Variants in CFAP20DC observed in about 807,000 individuals in gnomAD.
CFAP20DC encodes the protein protein CFAP20DC.
A neutral mutation model predicts 101.7 loss-of-function variants in CFAP20DC; 84 were observed. The observed-to-expected ratio is 0.83, with a 90% CI of 0.69 to 0.99. CFAP20DC has a LOEUF of 0.99. CFAP20DC is among the 50% of genes least tolerant of loss of function. CFAP20DC has a pLI of 0.00. For synonymous variants in CFAP20DC, 359 were observed against 351.2 expected, an observed-to-expected ratio of 1.02 and a Z score of -0.25; for missense variants, 1,007 against 970.3, an observed-to-expected ratio of 1.04 and a Z score of -0.50.
At chr3:58,764,429 T>C (rs2070058656) in intron 15 of CFAP20DC, among the ~76,000 whole-genome samples, 2 of 152,172 alleles carry the variant, frequency 1.3e-5, no homozygotes, top group African/African-American at 4.8e-5. Context: ...CCAGGTGCCA[T>C]CTGTCACCCC....
At chr3:58,951,135 A>G (rs1194705349) in intron 4 of CFAP20DC, among the ~76,000 whole-genome samples, 1 of 152,370 alleles carries the variant, frequency 6.6e-6, no homozygotes, top group South Asian at 2.1e-4. Flanking sequence ...ACATTTATGC[A>G]GCCAAAAGAC....
intron 15 of CFAP20DC, among the ~76,000 whole-genome samples, chr3:58,796,339 A>T (rs1015568549): frequency 1.1e-4 from 16 of 152,038 alleles, no homozygotes; most frequent in African/African-American, 3.6e-4. Flanking sequence ...CAGGGTTAAG[A>T]GTGGTCAGAG....
chr3:58,987,334 T>C (rs926622856), intron 4 of CFAP20DC, among the ~76,000 whole-genome samples: 2 of 151,994 alleles, frequency 1.3e-5, no homozygotes, highest in African/African-American at 4.8e-5. Flanking sequence ...AAAATAAGAA[T>C]CATGTACTAC....
At chr3:58,909,100 A>G (rs1480056738) in intron 6 of CFAP20DC, among the ~76,000 whole-genome samples, 1 of 152,174 alleles carries the variant, frequency 6.6e-6, no homozygotes, top group African/African-American at 2.4e-5. Context: ...CCTATTTGCA[A>G]GAACCCAAAG....
At chr3:58,910,924 A>T (rs1321497928) in intron 6 of CFAP20DC, among the ~76,000 whole-genome samples, 1 of 152,094 alleles carries the variant, frequency 6.6e-6, no homozygotes, top group East Asian at 1.9e-4. Flanking sequence ...AGGGAAAAAT[A>T]AACAGATAAT....
At position 59,014,155 on chromosome 3, in the gene CFAP20DC, C is replaced by T. The variant is rs76197320; in HGVS notation, c.278+25402G>A. ...GCAAGCAGTGAGTTAGAAGGTTTAG[C>T]TCAGCTGCTGCCTAGAGTGATGGAT... On this transcript the variant is annotated intron_variant, in intron 4 of 16. Transcript: ENST00000482387. This position sits in a 1 kb window ranked among gnomAD's most constrained non-coding sequence, Gnocchi z 4.9. Among the ~76,000 whole-genome samples the T allele has an allele frequency of 0.012, 1,784 of 152,212 alleles. 35 individuals carry two copies. The highest frequency in any genetic ancestry group is 0.041 in the African/African-American group (1,687 of 41,538).
intron 3 of CFAP20DC, among the ~76,000 whole-genome samples, chr3:58,733,529 A>C (rs1303878870): frequency 1.3e-5 from 2 of 152,214 alleles, no homozygotes; most frequent in African/African-American, 4.8e-5. Context: ...ACCCTTTAAC[A>C]TACATGAGCT....
intron 4 of CFAP20DC, among the ~76,000 whole-genome samples, chr3:58,981,127 C>T (rs1229705447): frequency 1.3e-5 from 2 of 152,052 alleles, no homozygotes; most frequent in African/African-American, 2.4e-5. Context: ...GAGAATAAAA[C>T]ACCTAGGAAT....
At chr3:58,932,326 GGA>G (rs2086828590) in intron 5 of CFAP20DC, among the ~76,000 whole-genome samples, 1 of 152,158 alleles carries the variant, frequency 6.6e-6, no homozygotes. Context: ...TGGGGAGAAT[GGA>G]ACAAAGTTGG....
At chr3:58,980,105 T>A (rs888585568) in intron 4 of CFAP20DC, among the ~76,000 whole-genome samples, 3 of 152,194 alleles carry the variant, frequency 2.0e-5, no homozygotes, top group Admixed American at 2.0e-4. Context: ...ATCTGTAATG[T>A]AAGGACCTGC....
Position 58,971,411 on chromosome 3 carries a change from A to G in CFAP20DC, c.279-33649T>C, listed in dbSNP as rs910798844. 2.6e-5 allele frequency among the ~76,000 whole-genome samples: 4 copies of G among 152,182 alleles called. No individual in the cohort carries two copies. Among genetic ancestry groups the G allele is most frequent in the Admixed American group, 2.0e-4 (3 of 15,250 alleles). On this transcript the variant is annotated intron_variant, in intron 4 of 16. Coordinates refer to ENST00000482387, the MANE Select transcript of CFAP20DC (RefSeq NM_001394063.1). The surrounding 1 kb of genome is among the most constrained non-coding windows in gnomAD (Gnocchi z 4.1). The stretch of plus-strand genomic sequence containing the variant: ...GAAAATCTGTCAAATGTTTTAAAAT[A>G]TCTCCGACATTCACTCTTTAGATCT...
chr3:58,939,759 A>ATTTTTTTTT (rs60955896), intron 4 of CFAP20DC, among the ~76,000 whole-genome samples: 1 of 91,924 alleles, frequency 1.1e-5, no homozygotes, highest in Non-Finnish European at 2.1e-5. Flanking sequence ...TGCCCGGCCC[A>ATTTTTTTTT]TTTTTTTTTT....
At chr3:58,763,188 A>G (rs1423061579) in intron 15 of CFAP20DC, among the ~76,000 whole-genome samples, 2 of 152,190 alleles carry the variant, frequency 1.3e-5, no homozygotes, top group African/African-American at 2.4e-5. Context: ...TCAGACGTAG[A>G]TTTGGTCTTT....
intron 13 of CFAP20DC, among the ~76,000 whole-genome samples, chr3:58,846,684 C>T (rs1418078996): frequency 2.0e-5 from 3 of 151,454 alleles, no homozygotes; most frequent in African/African-American, 7.3e-5. Flanking sequence ...TATATGGAAC[C>T]AAAAAAGAGC....
chr3:58,955,204 C>A (rs1328581319), intron 4 of CFAP20DC, among the ~76,000 whole-genome samples: 1 of 152,050 alleles, frequency 6.6e-6, no homozygotes, highest in East Asian at 1.9e-4. Flanking sequence ...TGCAAGTACA[C>A]CAATTTAACA....
chr3:58,915,155 TG>T (rs2084551078), intron 5 of CFAP20DC, among the ~76,000 whole-genome samples: 1 of 152,084 alleles, frequency 6.6e-6, no homozygotes, highest in African/African-American at 2.4e-5. Context: ...GAGATGGGGT[TG>T]GGCGGGGGAA....
Position 58,792,689 on chromosome 3 carries a change from A to G in CFAP20DC, c.2237+13706T>C, listed in dbSNP as rs563160995. Among the ~76,000 whole-genome samples the G allele has an allele frequency of 2.6e-5, 4 of 151,770 alleles. No individual in the cohort carries two copies. In the Middle Eastern group the frequency reaches 0.014, roughly 516 times the overall value. The stretch of plus-strand genomic sequence containing the variant: ...CTCAATTGAAATTTGAACTACTTTT[A>G]TCTAGTATCTGTGACAAAATATAGT... On this transcript the variant is annotated intron_variant, in intron 15 of 16. Transcript: ENST00000482387.
chr3:59,039,090 C>A (rs568586683), intron 4 of CFAP20DC, among the ~76,000 whole-genome samples: 1 of 152,052 alleles, frequency 6.6e-6, no homozygotes, highest in South Asian at 2.1e-4. Flanking sequence ...TAAACAATCT[C>A]CATTTAAAAC....
At chr3:58,870,414 T>C (rs2080065377) in intron 7 of CFAP20DC, 105 bp from the exon 8 acceptor site, 5 of 1,019,468 alleles carry the variant, frequency 4.9e-6, no homozygotes, top group Non-Finnish European at 6.0e-6. Flanking sequence ...AGGATCCAAA[T>C]CCCCCCTCCC....
Sources: gnomAD v4.1 joint callset for allele counts (sites outside exome capture counted in the v4.1 genomes callset) on GRCh38, gnomAD v4.1.1 for gene constraint, Gnocchi (gnomAD v3.1) non-coding constraint, MANE v1.5 for transcripts, NCBI Gene and HGNC (gene_info 2026-07-23, HGNC 2026-07-21) for gene names.